The following FREM1 variants were observed in gnomAD, a reference collection of about 807,000 sequenced individuals.
FREM1 encodes FRAS1 related extracellular matrix 1, also known as FRAS1-related extracellular matrix protein 1.
FREM1 carries 220 observed loss-of-function variants against 210.1 expected under a neutral mutation model. The observed-to-expected ratio is 1.05, with a 90% CI of 0.94 to 1.17. The LOEUF is 1.17. Ranked by LOEUF, FREM1 falls within the 50% of genes most tolerant of loss-of-function variation. The pLI, the probability that FREM1 is intolerant of heterozygous loss-of-function variation, is 0.00. For synonymous variants in FREM1, 1,189 were observed against 980.2 expected (o/e 1.21, Z -3.98); for missense variants, 3,454 against 2,675.5 (o/e 1.29, Z -6.42).
At position 14,813,154 on chromosome 9, in the gene FREM1, A is replaced by G. The variant is rs1273457415; in HGVS notation, c.2641-90T>C. On this transcript the variant is annotated intron_variant, in intron 15 of 36. Coordinates refer to ENST00000380880, the MANE Select transcript of FREM1 (RefSeq NM_001379081.2). ...ATCCATTGCTCATAGTCAGAATGAC[A>G]GGCATTTTCATCTTACAGACACATG... 2.2e-6 allele frequency: 3 copies of G among 1,334,180 alleles called. No homozygotes were observed. In the African/African-American group the frequency reaches 4.4e-5, roughly 19 times the overall value. 82.6% of individuals were successfully genotyped at this position (1,334,180 alleles called of 1,614,324 possible).
intron 28 of FREM1, among the ~76,000 whole-genome samples, chr9:14,758,118 G>T (rs979758590): frequency 2.0e-5 from 3 of 152,140 alleles, no homozygotes; most frequent in Non-Finnish European, 4.4e-5. Context: ...CAGGGTAAAA[G>T]CACCACCTCT....
chr9:14,784,458 T>C lies in FREM1; in HGVS notation c.4354A>G (p.Ile1452Val), dbSNP rs1002942157. 3.1e-6 allele frequency: 5 copies of C among 1,613,772 alleles called. No individual in the cohort carries two copies. Among genetic ancestry groups the C allele is most frequent in the Non-Finnish European group, 4.2e-6 (5 of 1,179,860 alleles). Residue 1452 changes from isoleucine (I) to valine (V), a missense_variant, in exon 24 of 37, where the codon ATT becomes GTT. Coordinates refer to ENST00000380880, the MANE Select transcript of FREM1 (RefSeq NM_001379081.2). ...IEYVHYPGVP[I>V]TNFSQMDVVG... ...ACATCCATTTGGCTGAAGTTTGTAA[T>C]GGGAACTCCAGGATAGTGAACATAT...
At chr9:14,878,404 C>A (rs1834165305) in intron 1 of FREM1, among the ~76,000 whole-genome samples, 1 of 152,156 alleles carries the variant, frequency 6.6e-6, no homozygotes, top group African/African-American at 2.4e-5. Context: ...TCCCTCCCTC[C>A]ACCTCTCTAC....
At chr9:14,748,755 C>G (rs1378626956) in intron 30 of FREM1, 116 bp from the exon 31 acceptor site, 3 of 680,440 alleles carry the variant, frequency 4.4e-6, no homozygotes, top group East Asian at 5.0e-5. Flanking sequence ...GGTTTTCCCA[C>G]CAGATGTTGC....
chr9:14,858,658 C>T (rs371083909), intron 4 of FREM1, among the ~76,000 whole-genome samples: 12 of 152,150 alleles, frequency 7.9e-5, no homozygotes, highest in Admixed American at 3.3e-4. Flanking sequence ...CTAGAGAGAA[C>T]AGGAGGTGCC....
rs34132406 is a variant in FREM1, at chr9:14,768,274, TAA to T, written c.5204+1448_5204+1449del. ...CTTACTTGAATTATTTTTAAAATGT[TAA>T]AAAAAAAAAGTGAAGTCCACGTATT... On this transcript the variant is annotated intron_variant, in intron 27 of 36. Coordinates refer to ENST00000380880, the MANE Select transcript of FREM1 (RefSeq NM_001379081.2). Among the ~76,000 whole-genome samples, 1,100 of 145,448 alleles carry T rather than the reference TAA, an allele frequency of 7.6e-3. 11 individuals are homozygous for T. The highest frequency in any genetic ancestry group is 0.024 in the African/African-American group (944 of 39,592).
chr9:14,775,796 G>A lies in FREM1; in HGVS notation c.4850C>T (p.Thr1617Ile). 3.7e-6 allele frequency: 6 copies of A among 1,608,920 alleles called. No homozygotes were observed. The highest frequency in any genetic ancestry group is 5.1e-6 in the Non-Finnish European group (6 of 1,176,044). The part of the protein sequence containing the change: ...GRVWEEPVLF[T>I]IQVDQLDKTA... The stretch of plus-strand genomic sequence containing the variant: ...TGTGTTTTTCATACTTGCCTGAATG[G>A]TGAATAAAACAGGTTCTTCCCACAC... The change falls in exon 25 of 37, where the codon ACC becomes ATC. Residue 1617 changes from threonine to isoleucine, a missense_variant. By Grantham distance (89) the Thr-to-Ile change is moderately conservative. Transcript: ENST00000380880.
At chr9:14,775,634 G>C (rs767082894) in intron 25 of FREM1, among the ~76,000 whole-genome samples, 155 bp downstream of exon 25, 2 of 149,592 alleles carry the variant, frequency 1.3e-5, no homozygotes, top group Non-Finnish European at 3.0e-5. Flanking sequence ...CTTGAGCCCA[G>C]GAGGTGGAGA....
chr9:14,868,302 G>A (rs553033281), intron 2 of FREM1, among the ~76,000 whole-genome samples: 5 of 152,218 alleles, frequency 3.3e-5, no homozygotes, highest in Middle Eastern at 3.4e-3. Flanking sequence ...GATGCTTTGC[G>A]CTTTTTCCTG....
intron 33 of FREM1, 31 bp from the exon 34 acceptor site, chr9:14,747,082 A>G (rs917583009): frequency 6.2e-7 from 1 of 1,612,590 alleles, no homozygotes; most frequent in Admixed American, 1.7e-5. Context: ...TTAGCAATTT[A>G]GAATTGACTT....
At chr9:14,895,361 T>C (rs773247917) in intron 1 of FREM1, among the ~76,000 whole-genome samples, 1 of 152,202 alleles carries the variant, frequency 6.6e-6, no homozygotes, top group Admixed American at 6.5e-5. Context: ...CCTGATTAGA[T>C]TCTAGTCTCA....
At chr9:14,873,411 T>C (rs1472904738) in intron 1 of FREM1, among the ~76,000 whole-genome samples, 1 of 152,242 alleles carries the variant, frequency 6.6e-6, no homozygotes, top group Non-Finnish European at 1.5e-5. Flanking sequence ...GGTGTATGTG[T>C]CGAGGAATTT....
intron 35 of FREM1, 105 bp downstream of exon 35, chr9:14,746,248 G>C: frequency 1.3e-6 from 1 of 773,252 alleles, no homozygotes; most frequent in Non-Finnish European, 2.1e-6. Context: ...CAGATATTAG[G>C]CACTCAATAC....
At position 14,859,435 on chromosome 9, in the gene FREM1, G is replaced by C; in HGVS notation, c.379C>G (p.Leu127Val). Residue 127 changes from leucine to valine, a missense_variant, in exon 4 of 37, where the codon CTC becomes GTC. Transcript: ENST00000380880. ...ATGATGTTACAGTCTGGTTCCAGGA[G>C]ATAGACCCACAGGATAAAAGTTTCT... Reference protein sequence around the residue: ...FIETFILWVYLLEPDCNIIHM... With the variant: ...FIETFILWVYVLEPDCNIIHM... 1.2e-6 allele frequency: 2 copies of C among 1,613,854 alleles called. No individual in the cohort carries two copies. Among genetic ancestry groups the C allele is most frequent in the South Asian group, 1.1e-5 (1 of 91,052 alleles).
intron 7 of FREM1, among the ~76,000 whole-genome samples, chr9:14,846,847 G>A (rs1255082042): frequency 1.3e-5 from 2 of 152,170 alleles, no homozygotes; most frequent in Non-Finnish European, 1.5e-5. Context: ...TCGACCAACT[G>A]ACTGTTCTCT....
intron 24 of FREM1, among the ~76,000 whole-genome samples, chr9:14,776,876 C>T (rs988116372): frequency 6.6e-6 from 1 of 152,206 alleles, no homozygotes; most frequent in Non-Finnish European, 1.5e-5. Flanking sequence ...AGGCTCTAAT[C>T]TCTTATGGTT....
At chr9:14,779,841 A>C (rs919521660) in intron 24 of FREM1, among the ~76,000 whole-genome samples, 1 of 152,102 alleles carries the variant, frequency 6.6e-6, no homozygotes, top group Non-Finnish European at 1.5e-5. Context: ...CTAATAGGCC[A>C]GGGGTGAAAA....
At chr9:14,794,489 G>A (rs1851983089) in intron 21 of FREM1, among the ~76,000 whole-genome samples, 1 of 152,204 alleles carries the variant, frequency 6.6e-6, no homozygotes, top group African/African-American at 2.4e-5. Context: ...GACACCTGAG[G>A]TGGGACACTG....
rs1820880538 is a variant in FREM1 at position 14,819,457 on chromosome 9, G to C, written c.2338-15C>G. 3 of 1,566,058 alleles carry C rather than the reference G, an allele frequency of 1.9e-6. No individual in the cohort carries two copies. In the East Asian group the frequency reaches 6.7e-5, roughly 35 times the overall value. ...TTGGTGAACGCCTAGAAAGAAGAAAGGAAGGAAACATTCAAAGCCTTTTTC... is the reference window on the plus strand; with the variant it reads ...TTGGTGAACGCCTAGAAAGAAGAAACGAAGGAAACATTCAAAGCCTTTTTC... On this transcript the variant is annotated splice_polypyrimidine_tract_variant and intron_variant, in intron 13 of 36. Transcript: ENST00000380880.
Sources: allele counts gnomAD v4.1 joint callset (sites outside exome capture counted in the v4.1 genomes callset), GRCh38; gene constraint gnomAD v4.1.1; transcripts MANE v1.5; gene names NCBI Gene and HGNC (gene_info 2026-07-23, HGNC 2026-07-21).